Variants in SLC12A7 observed in about 807,000 individuals in gnomAD.
SLC12A7 encodes solute carrier family 12 member 7, also known as K-Cl cotransporter 4.
In SLC12A7, 100 loss-of-function variants were observed where a neutral mutation model predicts 120.6. The observed-to-expected ratio is 0.83, with a 90% confidence interval of 0.71 to 0.98. The LOEUF is 0.98. Ranked by LOEUF, SLC12A7 falls within the 50% of genes least tolerant of loss-of-function variation. SLC12A7 has a pLI of 0.00. For synonymous variants in SLC12A7, 760 were observed against 678.0 expected (o/e 1.12, Z -1.88); for missense variants, 1,373 against 1,548.1 (o/e 0.89, Z 1.90).
intron 20 of SLC12A7, among the ~76,000 whole-genome samples, chr5:1,062,700 AGGGACTGGGGGACTG>A: frequency 2.1e-4 from 1 of 4,822 alleles, no homozygotes; most frequent in South Asian, 0.016. Context: ...TGGGGGACTG[AGGGACTGGGGGACTG>A]GGGGGCTGCG....
At chr5:1,074,925 C>G (rs1209921556) in intron 15 of SLC12A7, among the ~76,000 whole-genome samples, 1 of 152,044 alleles carries the variant, frequency 6.6e-6, no homozygotes, top group Non-Finnish European at 1.5e-5. Context: ...GCCTTCCTCA[C>G]AGGACGGGGG....
rs143536772 is a variant in SLC12A7 at position 1,073,696 on chromosome 5, G to A, written c.2178C>T (p.Ile726=). ...SQLKAGKGLT[I]VGSVLEGTYL... is the part of the protein sequence containing the mutation. The stretch of plus-strand genomic sequence containing the variant: ...ACGTCCCCTCCAGCACCGAGCCCAC[G>A]ATGGTCAGGCCCTTGCCGGCCTTCA... The change falls in exon 17 of 24, where the codon ATC becomes ATT. Residue 726 remains isoleucine, a synonymous_variant. Coordinates refer to ENST00000264930, the MANE Select transcript of SLC12A7 (RefSeq NM_006598.3). 295 of 1,589,092 alleles carry A rather than the reference G, an allele frequency of 1.9e-4. 1 individual carries two copies. The highest frequency in any genetic ancestry group is 8.4e-4 in the African/African-American group (62 of 73,378).
At chr5:1,146,140 C>A in the SLC12A7 span, among the ~76,000 whole-genome samples, 1 of 152,196 alleles carries the variant, frequency 6.6e-6, no homozygotes, top group Non-Finnish European at 1.5e-5. This position sits in a 1 kb window ranked among gnomAD's most constrained non-coding sequence, Gnocchi z 6.5. Context: ...CTGCCCCATC[C>A]CTCCTCATTC....
intron 3 of SLC12A7, among the ~76,000 whole-genome samples, 156 bp downstream of exon 3, chr5:1,093,377 C>G (rs1326127509): frequency 2.6e-5 from 4 of 152,140 alleles, no homozygotes; most frequent in Admixed American, 2.6e-4. Flanking sequence ...GCAGGGCAGG[C>G]ACCATCGAGC....
At position 1,076,158 on chromosome 5, in the gene SLC12A7, T is replaced by C; in HGVS notation, c.1827A>G (p.Pro609=). 1.2e-6 allele frequency: 2 copies of C among 1,611,740 alleles called. No individual in the cohort carries two copies. The highest frequency in any genetic ancestry group is 1.7e-6 in the Non-Finnish European group (2 of 1,179,368). The part of the protein sequence containing the change: ...QTLLRTPNWR[P]RFKFYHWTLS... Reference sequence around the variant, plus strand: ...CTCACCAGTGGTAGAACTTGAAGCGTGGACGCCAGTTGGGGGTACGTAGCA... The same window carrying C: ...CTCACCAGTGGTAGAACTTGAAGCGCGGACGCCAGTTGGGGGTACGTAGCA... The change falls in exon 14 of 24, where the codon CCA becomes CCG. Residue 609 remains proline, a synonymous_variant. Transcript: ENST00000264930.
upstream of SLC12A7, among the ~76,000 whole-genome samples, chr5:1,113,942 G>A (rs1156339134): frequency 6.6e-6 from 1 of 152,196 alleles, no homozygotes; most frequent in African/African-American, 2.4e-5. Context: ...ATGCCAGCAG[G>A]AGCAACAGAT....
the SLC12A7 span, among the ~76,000 whole-genome samples, chr5:1,143,122 A>C: frequency 1.3e-5 from 2 of 152,258 alleles, no homozygotes; most frequent in South Asian, 4.1e-4. Flanking sequence ...ATGCCCCTCC[A>C]TCCGCAGGGT....
Position 1,077,893 on chromosome 5 carries a change from G to T in SLC12A7, c.1569C>A (p.Leu523=). 2 of 1,599,370 alleles carry T rather than the reference G, an allele frequency of 1.3e-6. No homozygotes were observed. Among genetic ancestry groups the T allele is most frequent in the Non-Finnish European group, 1.7e-6 (2 of 1,173,872 alleles). ...FSTCGAGLQS[L]TGAPRLLQAI... is the part of the protein sequence containing the mutation. Reference sequence around the variant, plus strand: ...CCTGCAGTAGGCGCGGTGCCCCCGTGAGGCTCTGCAGGCCGGCACCGCAGG... The same window carrying T: ...CCTGCAGTAGGCGCGGTGCCCCCGTTAGGCTCTGCAGGCCGGCACCGCAGG... Residue 523 remains leucine, a synonymous_variant, in exon 12 of 24, where the codon CTC becomes CTA. Transcript: ENST00000264930.
chr5:1,148,205 C>CTTTTT, the SLC12A7 span, among the ~76,000 whole-genome samples: 614 of 107,602 alleles, frequency 5.7e-3, no homozygotes, highest in East Asian at 8.7e-3. Flanking sequence ...TTCTTTCTTT[C>CTTTTT]TTTTTTTTTT....
chr5:1,082,346 C>A (rs1168139030), intron 8 of SLC12A7, among the ~76,000 whole-genome samples: 2 of 93,406 alleles, frequency 2.1e-5, no homozygotes, highest in Non-Finnish European at 4.9e-5. Context: ...CTTCCCGTCT[C>A]GGGTTCTGGA....
the SLC12A7 span, among the ~76,000 whole-genome samples, chr5:1,118,083 G>GA: frequency 6.6e-6 from 1 of 151,906 alleles, no homozygotes; most frequent in African/African-American, 2.4e-5. Flanking sequence ...CTCAAAAAAA[G>GA]AAAAAAAGAA....
chr5:1,068,134 T>C (rs1737254722), intron 17 of SLC12A7, among the ~76,000 whole-genome samples: 1 of 152,246 alleles, frequency 6.6e-6, no homozygotes, highest in Non-Finnish European at 1.5e-5. Context: ...GAAATGTCCA[T>C]GCTTTACAGC....
the SLC12A7 span, among the ~76,000 whole-genome samples, chr5:1,140,839 C>T: frequency 1.1e-4 from 17 of 152,310 alleles, no homozygotes; most frequent in East Asian, 2.7e-3. Context: ...CATGACAGCT[C>T]GGAGTAGCTT....
At chr5:1,147,826 T>C in the SLC12A7 span, among the ~76,000 whole-genome samples, 1 of 152,000 alleles carries the variant, frequency 6.6e-6, no homozygotes, top group African/African-American at 2.4e-5. Context: ...CATTGTGGCC[T>C]TGACCTCCCG....
chr5:1,055,935 A>G (rs1735562826), intron 22 of SLC12A7, among the ~76,000 whole-genome samples: 1 of 152,206 alleles, frequency 6.6e-6, no homozygotes, highest in Non-Finnish European at 1.5e-5. Context: ...CCACTCAGCC[A>G]AGGCGTTCCT....
chr5:1,118,166 G>A, the SLC12A7 span, among the ~76,000 whole-genome samples: 1 of 152,154 alleles, frequency 6.6e-6, no homozygotes, highest in African/African-American at 2.4e-5. Context: ...CCAGCTCTGC[G>A]TGAATCCCTC....
At chr5:1,109,155 G>A (rs1277293659) in intron 1 of SLC12A7, among the ~76,000 whole-genome samples, 2 of 152,150 alleles carry the variant, frequency 1.3e-5, no homozygotes. Flanking sequence ...CCTTGACAGA[G>A]GCTCTGCACG....
In SLC12A7 at chr5:1,057,587, C is replaced by G; in HGVS notation, c.2910G>C (p.Ala970=). The G allele has an allele frequency of 3.1e-6, 5 of 1,611,004 alleles. No individual in the cohort carries two copies. Among genetic ancestry groups the G allele is most frequent in the Non-Finnish European group, 2.5e-6 (3 of 1,179,942 alleles). The change falls in exon 22 of 24, where the codon GCG becomes GCC. Residue 970 remains alanine, a synonymous_variant. Coordinates refer to ENST00000264930, the MANE Select transcript of SLC12A7 (RefSeq NM_006598.3). ...SHTAAAARTQ[A]PPTPDKVQMT... is the part of the protein sequence containing the mutation. ...TCTGCACCTTGTCTGGCGTAGGCGG[C>G]GCTTGGGTCCTGGCTGCCGCCGCGG...
At chr5:1,078,211 G>A (rs1490006356) in intron 11 of SLC12A7, among the ~76,000 whole-genome samples, 2 of 152,156 alleles carry the variant, frequency 1.3e-5, no homozygotes, top group Non-Finnish European at 2.9e-5. Flanking sequence ...GGTCTTCAGC[G>A]GGGGAGGGGG....
Sources: gnomAD v4.1 joint callset for allele counts (sites outside exome capture counted in the v4.1 genomes callset) on GRCh38, gnomAD v4.1.1 for gene constraint, Gnocchi (gnomAD v3.1) non-coding constraint, MANE v1.5 for transcripts, NCBI Gene and HGNC (gene_info 2026-07-23, HGNC 2026-07-21) for gene names.